The following LIMA1 variants were observed in gnomAD, a reference collection of about 807,000 sequenced individuals.
The protein encoded by LIMA1 is LIM domain and actin binding 1, also known as LIM domain and actin-binding protein 1.
LIMA1 carries 52 observed loss-of-function variants against 62.6 expected under a neutral mutation model. The observed-to-expected ratio is 0.83, with a 90% confidence interval of 0.67 to 1.05. The LOEUF is 1.05. Ranked by LOEUF, LIMA1 falls within the 50% of genes least tolerant of loss-of-function variation. LIMA1 has a pLI of 0.00. For synonymous variants in LIMA1, 302 were observed against 317.8 expected, an observed-to-expected ratio of 0.95 and a Z score of 0.53; for missense variants, 780 against 902.2, an observed-to-expected ratio of 0.86 and a Z score of 1.74.
At chr12:50,219,731 C>G (rs1036890678) in intron 4 of LIMA1, 1 of 152,174 alleles carries the variant, frequency 6.6e-6, no homozygotes, top group Admixed American at 6.6e-5. Context: ...CTGTGTTGCC[C>G]AGGCTGGAGT....
chr12:50,276,641 C>T (rs577298924), intron 1 of LIMA1, among the ~76,000 whole-genome samples: 27 of 152,048 alleles, frequency 1.8e-4, no homozygotes, highest in East Asian at 1.5e-3. Context: ...AAGGCCGAGG[C>T]GGGCAGATTA....
chr12:50,236,895 A>C (rs1164323982), intron 2 of LIMA1, among the ~76,000 whole-genome samples: 1 of 152,026 alleles, frequency 6.6e-6, no homozygotes, highest in Non-Finnish European at 1.5e-5. Context: ...GTGGGCTGTC[A>C]TTGTACCACC....
chr12:50,218,889 T>C (rs1168755278), intron 4 of LIMA1, among the ~76,000 whole-genome samples: 7 of 132,858 alleles, frequency 5.3e-5, no homozygotes, highest in African/African-American at 2.1e-4. Context: ...TAAGACCCTA[T>C]CTCCATAAAA....
chr12:50,187,248 G>A (rs1186453171), intron 9 of LIMA1: 1 of 152,182 alleles, frequency 6.6e-6, no homozygotes, highest in African/African-American at 2.4e-5. Flanking sequence ...GTTGTGGTGT[G>A]TGTGGGAGGT....
intron 3 of LIMA1, among the ~76,000 whole-genome samples, chr12:50,223,038 G>T (rs1241822231): frequency 2.0e-5 from 3 of 152,080 alleles, no homozygotes; most frequent in Non-Finnish European, 4.4e-5. Flanking sequence ...TAGAACCCTG[G>T]AGAAGTCCCC....
rs117853498 is a variant in LIMA1, at chr12:50,185,170, G to A, written c.1141-3133C>T. Among the ~76,000 whole-genome samples, 14 of 152,268 alleles carry A rather than the reference G, an allele frequency of 9.2e-5. No homozygotes were observed. In the East Asian group the frequency reaches 1.5e-3, roughly 17 times the overall value. On this transcript the variant is annotated intron_variant, in intron 9 of 10. Coordinates refer to ENST00000341247, the MANE Select transcript of LIMA1 (RefSeq NM_016357.5). ...TTTAACACTTGAAATAGATGTAGGA[G>A]AGTAAGTGCTCATTCTGGTCAGTAA...
rs113633700 is a variant in LIMA1, at chr12:50,223,132, A to G, written c.166-647T>C. On this transcript the variant is annotated intron_variant, in intron 3 of 10. Coordinates refer to ENST00000341247, the MANE Select transcript of LIMA1 (RefSeq NM_016357.5). Reference sequence around the variant, plus strand: ...TGAGCAGTCAAATTTTATTTTTCATAAGAATTTAATCTTTTTTTTTTCCCT... The same window carrying G: ...TGAGCAGTCAAATTTTATTTTTCATGAGAATTTAATCTTTTTTTTTTCCCT... 8.6e-4 allele frequency among the ~76,000 whole-genome samples: 131 copies of G among 152,320 alleles called. 2 individuals are homozygous for G. The highest frequency in any genetic ancestry group is 3.1e-3 in the African/African-American group (128 of 41,566).
chr12:50,197,464 G>A (rs1185631917), intron 7 of LIMA1, among the ~76,000 whole-genome samples: 1 of 151,992 alleles, frequency 6.6e-6, no homozygotes, highest in Admixed American at 6.6e-5. Context: ...GATAGCTAAG[G>A]GTCTGAAAAA....
In LIMA1 at chr12:50,247,604, AATT is replaced by A. The variant is rs111550387; in HGVS notation, c.119+1026_119+1028del. On this transcript the variant is annotated intron_variant, in intron 2 of 10. Coordinates refer to ENST00000341247, the MANE Select transcript of LIMA1 (RefSeq NM_016357.5). The stretch of plus-strand genomic sequence containing the variant: ...GCTTCAAAAGCAAAATAAATGCTGG[AATT>A]ATTATTATTATTATTATTATTATTA... Among the ~76,000 whole-genome samples the A allele has an allele frequency of 5.3e-3, 750 of 140,600 alleles. 10 individuals carry two copies. Among genetic ancestry groups the A allele is most frequent in the East Asian group, 0.028 (138 of 4,848 alleles). The allele number at this position is 140,600 out of a possible 152,430, so 92.2% of individuals were successfully genotyped here. A position where few individuals can be genotyped will look rare whatever the true frequency, so the allele number is the denominator to read the frequency against.
chr12:50,213,788 T>G (rs1441746791), intron 4 of LIMA1, among the ~76,000 whole-genome samples: 1 of 152,236 alleles, frequency 6.6e-6, no homozygotes, highest in Non-Finnish European at 1.5e-5. Flanking sequence ...TGAAGTCTAA[T>G]ATAGCCAACA....
In LIMA1 at chr12:50,192,530, C is replaced by T. The variant is rs748616315; in HGVS notation, c.1062G>A (p.Gln354=). 3 of 1,613,990 alleles carry T rather than the reference C, an allele frequency of 1.9e-6. No individual in the cohort carries two copies. The highest frequency in any genetic ancestry group is 2.2e-5 in the South Asian group (2 of 91,070). ...RDSQVKSEVQ[Q]PVHPKPLSPD... is the part of the protein sequence containing the mutation. Reference sequence around the variant, plus strand: ...GACTTAGTGGCTTGGGATGGACAGGCTGTTGAACCTCACTCTTAACCTGGG... The same window carrying T: ...GACTTAGTGGCTTGGGATGGACAGGTTGTTGAACCTCACTCTTAACCTGGG... Residue 354 remains glutamine (Q), a synonymous_variant, in exon 9 of 11, where the codon CAG becomes CAA. Transcript: ENST00000341247.
chr12:50,194,710 TG>T (rs986511745), intron 8 of LIMA1, among the ~76,000 whole-genome samples: 17 of 152,108 alleles, frequency 1.1e-4, no homozygotes, highest in Non-Finnish European at 1.5e-5. Flanking sequence ...GAGACCAACC[TG>T]GGCAACAAAG....
intron 8 of LIMA1, 60 bp downstream of exon 8, chr12:50,195,770 G>C (rs1940914064): frequency 6.5e-7 from 1 of 1,534,532 alleles, no homozygotes; most frequent in Non-Finnish European, 8.8e-7. Flanking sequence ...GAACACCCCT[G>C]AACCAAATAC....
chr12:50,208,589 G>T (rs1430876180), intron 4 of LIMA1, among the ~76,000 whole-genome samples: 1 of 152,210 alleles, frequency 6.6e-6, no homozygotes, highest in Non-Finnish European at 1.5e-5. Flanking sequence ...GGTGTATGTT[G>T]CAGTGAGCCA....
intron 1 of LIMA1, among the ~76,000 whole-genome samples, chr12:50,259,392 T>C (rs1055827377): frequency 3.3e-5 from 5 of 152,212 alleles, no homozygotes; most frequent in Non-Finnish European, 7.3e-5. Context: ...TAGTATTTAA[T>C]ACATTGCTTT....
In LIMA1 at chr12:50,238,905, A is replaced by G. The variant is rs867350244; in HGVS notation, c.120-7195T>C. On this transcript the variant is annotated intron_variant, in intron 2 of 10. Coordinates refer to ENST00000341247, the MANE Select transcript of LIMA1 (RefSeq NM_016357.5). ...AAAAAGAACATTATCAACAAAGTGAAAAGTTCCCATGGAGTGGGAGAAAAT... is the reference window on the plus strand; with the variant it reads ...AAAAAGAACATTATCAACAAAGTGAGAAGTTCCCATGGAGTGGGAGAAAAT... 2.6e-5 allele frequency among the ~76,000 whole-genome samples: 4 copies of G among 152,286 alleles called. No individual in the cohort carries two copies. The Middle Eastern group carries it at 0.01, about 388-fold the overall frequency.
chr12:50,241,877 A>G (rs1941780145), intron 2 of LIMA1, among the ~76,000 whole-genome samples: 1 of 150,842 alleles, frequency 6.6e-6, no homozygotes, highest in Admixed American at 6.7e-5. Context: ...TTGAGAAAAT[A>G]AAACATTTAC....
intron 3 of LIMA1, among the ~76,000 whole-genome samples, chr12:50,227,240 T>TTC (rs1262469136): frequency 3.7e-5 from 3 of 81,944 alleles, no homozygotes; most frequent in Non-Finnish European, 4.7e-5. Context: ...TTCTTTTCTT[T>TTC]TTTTTTTTTT....
At chr12:50,280,411 G>A (rs557902942) in intron 1 of LIMA1, among the ~76,000 whole-genome samples, 2 of 152,172 alleles carry the variant, frequency 1.3e-5, no homozygotes. Flanking sequence ...TCCCGCCTCG[G>A]CCTCCCAAAG....
Sources: allele counts gnomAD v4.1 joint callset (sites outside exome capture counted in the v4.1 genomes callset), GRCh38; gene constraint gnomAD v4.1.1; transcripts MANE v1.5; gene names NCBI Gene and HGNC (gene_info 2026-07-23, HGNC 2026-07-21).